The following TMEM131L variants were observed in gnomAD, a reference collection of about 807,000 sequenced individuals.
The protein encoded by TMEM131L is transmembrane protein 131-like.
TMEM131L carries 54 observed loss-of-function variants against 192.2 expected under a neutral mutation model. The observed-to-expected ratio is 0.28, with a 90% CI of 0.23 to 0.35. The LOEUF is 0.35. Among genes scored for constraint, TMEM131L ranks in the 10% least tolerant of loss-of-function variants. TMEM131L has a pLI of 1.00. For synonymous variants in TMEM131L, 701 were observed against 704.9 expected (o/e 0.99, Z 0.09); for missense variants, 1,888 against 1,972.9 (o/e 0.96, Z 0.82).
At chr4:153,490,470 C>A (rs1221261062) in intron 3 of TMEM131L, among the ~76,000 whole-genome samples, 9 of 152,050 alleles carry the variant, frequency 5.9e-5, no homozygotes, top group Non-Finnish European at 1.3e-4. Flanking sequence ...TAAATTCAGG[C>A]CTTATTTTAA....
At chr4:153,580,765 T>C (rs902014372) in intron 7 of TMEM131L, 61 bp from the exon 8 acceptor site, 1 of 902,066 alleles carries the variant, frequency 1.1e-6, no homozygotes, top group African/African-American at 1.7e-5. Flanking sequence ...AAATTGTTTA[T>C]TATTAGTGTG....
At chr4:153,487,480 G>A (rs114970846) in intron 3 of TMEM131L, among the ~76,000 whole-genome samples, 1 of 152,304 alleles carries the variant, frequency 6.6e-6, no homozygotes, top group East Asian at 1.9e-4. Flanking sequence ...TGGTAAATAG[G>A]TGGGTTAGGC....
chr4:153,561,563 T>G (rs991515032), intron 7 of TMEM131L, among the ~76,000 whole-genome samples: 3 of 152,232 alleles, frequency 2.0e-5, no homozygotes, highest in Non-Finnish European at 2.9e-5. Context: ...GGGATTCATT[T>G]TCATTCTTTT....
At chr4:153,624,138 T>TGA (rs139391732) in intron 29 of TMEM131L, among the ~76,000 whole-genome samples, 4 of 151,342 alleles carry the variant, frequency 2.6e-5, no homozygotes, top group Non-Finnish European at 4.4e-5. Context: ...ATTTTTTTTT[T>TGA]GAGAGAGAGT....
Position 153,620,813 on chromosome 4 carries a change from A to G in TMEM131L, c.3625A>G (p.Asn1209Asp). The change falls in exon 27 of 35, where the codon AAT becomes GAT. Residue 1209 changes from asparagine to aspartate, a missense_variant. Physicochemically the swap from Asn to Asp is conservative, Grantham distance 23. Coordinates refer to ENST00000409959, the MANE Select transcript of TMEM131L (RefSeq NM_001131007.2). ...GGAGAAAAGAGAAGGAAATTTACAAAATTTAAATTGGAGTAAAAGTCGAAC... is the reference window on the plus strand; with the variant it reads ...GGAGAAAAGAGAAGGAAATTTACAAGATTTAAATTGGAGTAAAAGTCGAAC... ...LQEKREGNLQ[N>D]LNWSKSRTCR... 6.3e-7 allele frequency: 1 copy of G among 1,595,946 alleles called. No individual in the cohort carries two copies. The highest frequency in any genetic ancestry group is 1.7e-4 in the Middle Eastern group (1 of 5,956).
chr4:153,552,437 A>G (rs1737697588), intron 4 of TMEM131L, among the ~76,000 whole-genome samples: 1 of 152,180 alleles, frequency 6.6e-6, no homozygotes, highest in Non-Finnish European at 1.5e-5. Context: ...GTCCCTCGTT[A>G]TCCACATGGG....
rs1734412194 is a variant in TMEM131L, at chr4:153,634,191, G to A, written c.4329-1G>A. ...ATTAGACCACTTGTTTTTTGTGGCA[G>A]TTTCATTGATTGGAGTGCAACATGC... On this transcript the variant is annotated splice_acceptor_variant, in intron 32 of 34. Coordinates refer to ENST00000409959, the MANE Select transcript of TMEM131L (RefSeq NM_001131007.2). LOFTEE classifies it high-confidence loss of function. The A allele has an allele frequency of 1.2e-6, 2 of 1,613,254 alleles. No individual in the cohort carries two copies. The highest frequency in any genetic ancestry group is 1.7e-5 in the Admixed American group (1 of 59,984).
chr4:153,559,689 G>A (rs1044050925), intron 7 of TMEM131L, among the ~76,000 whole-genome samples: 1 of 152,112 alleles, frequency 6.6e-6, no homozygotes, highest in African/African-American at 2.4e-5. Context: ...TCATCTCTCT[G>A]ATGGCCAACT....
rs766200717 is a variant in TMEM131L, at chr4:153,603,839, T to G, written c.2827T>G (p.Ser943Ala). 1.2e-6 allele frequency: 2 copies of G among 1,607,340 alleles called. No individual in the cohort carries two copies. The change falls in exon 25 of 35, where the codon TCT becomes GCT. Residue 943 changes from serine to alanine, a missense_variant. Transcript: ENST00000409959. Reference sequence around the variant, plus strand: ...GAACTTTCTCGATACATATGGCCCCTCTGATAAAGGCAGGGGGAAGAACTG... The same window carrying G: ...GAACTTTCTCGATACATATGGCCCCGCTGATAAAGGCAGGGGGAAGAACTG... ...CKNFLDTYGP[S>A]DKGRGKNCLP...
chr4:153,475,520 C>T (rs1356455116), intron 3 of TMEM131L, among the ~76,000 whole-genome samples: 1 of 152,132 alleles, frequency 6.6e-6, no homozygotes, highest in Non-Finnish European at 1.5e-5. Context: ...TAGCTCTGTT[C>T]ATCTCATTAA....
chr4:153,537,582 G>C (rs1462490559), intron 3 of TMEM131L, among the ~76,000 whole-genome samples: 3 of 152,174 alleles, frequency 2.0e-5, no homozygotes, highest in African/African-American at 7.2e-5. Context: ...CTGTCATGGC[G>C]CTGGTGGAGT....
chr4:153,582,040 T>C (rs1056827776), intron 9 of TMEM131L, among the ~76,000 whole-genome samples: 7 of 152,250 alleles, frequency 4.6e-5, no homozygotes, highest in Non-Finnish European at 8.8e-5. Flanking sequence ...TGTGTCCTAC[T>C]TATCAGAAAT....
intron 7 of TMEM131L, among the ~76,000 whole-genome samples, chr4:153,567,161 A>G (rs1729266231): frequency 6.6e-6 from 1 of 152,220 alleles, no homozygotes; most frequent in Non-Finnish European, 1.5e-5. Flanking sequence ...TTGATGAGGA[A>G]ATGGAAAGGG....
intron 25 of TMEM131L, among the ~76,000 whole-genome samples, chr4:153,609,017 A>G (rs1732434577): frequency 6.6e-6 from 1 of 151,786 alleles, no homozygotes. Context: ...TGTTCTTTCC[A>G]TTTGTTTTTG....
intron 3 of TMEM131L, among the ~76,000 whole-genome samples, chr4:153,483,518 G>A (rs1367828279): frequency 2.6e-5 from 4 of 152,012 alleles, no homozygotes; most frequent in Non-Finnish European, 5.9e-5. Context: ...GTCACAAAGT[G>A]AGACCCTGTC....
intron 3 of TMEM131L, among the ~76,000 whole-genome samples, chr4:153,545,448 T>C (rs1462111944): frequency 6.6e-6 from 1 of 151,974 alleles, no homozygotes; most frequent in Non-Finnish European, 1.5e-5. Context: ...CCACCATGCC[T>C]GACTAATTTT....
intron 16 of TMEM131L, 105 bp downstream of exon 16, chr4:153,589,112 C>T: frequency 3.1e-6 from 2 of 649,164 alleles, no homozygotes; most frequent in Non-Finnish European, 5.5e-6. Context: ...TCTCACCCCA[C>T]CGTAGATGCC....
At chr4:153,588,803 G>A (rs1236165089) in intron 15 of TMEM131L, 87 bp from the exon 16 acceptor site, 2 of 725,580 alleles carry the variant, frequency 2.8e-6, no homozygotes, top group Non-Finnish European at 4.8e-6. Context: ...CTCAGTTTAA[G>A]AAGTTTAATA....
At chr4:153,482,954 C>T (rs112866920) in intron 3 of TMEM131L, among the ~76,000 whole-genome samples, 5,746 of 151,832 alleles carry the variant, frequency 0.038, 163 homozygotes, top group South Asian at 0.079. Flanking sequence ...TGATTAGGTT[C>T]GTATTCATTT....
Sources: gnomAD v4.1 joint callset for allele counts (sites outside exome capture counted in the v4.1 genomes callset) on GRCh38, gnomAD v4.1.1 for gene constraint, MANE v1.5 for transcripts, NCBI Gene and HGNC (gene_info 2026-07-23, HGNC 2026-07-21) for gene names.